GLB1: variants seen among roughly 807,000 people sequenced by gnomAD.
GLB1 encodes beta-galactosidase.
In GLB1, 56 loss-of-function variants were observed where a neutral mutation model predicts 74.0. That is an observed-to-expected ratio of 0.76 (90% CI 0.61 to 0.94). GLB1 has a LOEUF of 0.94. Among genes scored for constraint, GLB1 ranks in the 40% least tolerant of loss-of-function variants. The pLI is 0.00. For missense variants in GLB1, 787 were observed against 845.5 expected, an observed-to-expected ratio of 0.93 and a Z score of 0.86; for synonymous variants, 323 against 323.6, an observed-to-expected ratio of 1.00 and a Z score of 0.02.
In GLB1 at chr3:33,093,228, C is replaced by A. The variant is rs374505323; in HGVS notation, c.75+3783G>T. ...CAAGCAGATCCAGTCCTCATCCTCA[C>A]TCCCACTGCCACTGCCACCACCACC... is the stretch of plus-strand genomic sequence containing the variant. On this transcript the variant is annotated intron_variant, in intron 1 of 15. Coordinates refer to ENST00000307363, the MANE Select transcript of GLB1 (RefSeq NM_000404.4). This position sits in a 1 kb window ranked among gnomAD's most constrained non-coding sequence, Gnocchi z 6.0. 1.2e-6 allele frequency: 2 copies of A among 1,614,014 alleles called. No individual in the cohort carries two copies. Among genetic ancestry groups the A allele is most frequent in the Non-Finnish European group, 1.7e-6 (2 of 1,179,994 alleles).
At chr3:33,086,743 A>G (rs1371679062) in intron 1 of GLB1, among the ~76,000 whole-genome samples, 2 of 152,202 alleles carry the variant, frequency 1.3e-5, no homozygotes, top group African/African-American at 4.8e-5. Context: ...ATTTTAAGAC[A>G]TATGACCCAG....
chr3:33,013,878 C>T (rs377141637), intron 15 of GLB1, among the ~76,000 whole-genome samples, 178 bp downstream of exon 15: 69 of 152,244 alleles, frequency 4.5e-4, no homozygotes, highest in African/African-American at 1.3e-3. Context: ...GCAGCACCTC[C>T]GAGCTGGCCA....
At chr3:33,013,089 C>T (rs1390198609) in intron 15 of GLB1, among the ~76,000 whole-genome samples, 1 of 152,232 alleles carries the variant, frequency 6.6e-6, no homozygotes, top group Non-Finnish European at 1.5e-5. Flanking sequence ...CCAATCTAGT[C>T]TCTACCTACT....
chr3:33,021,652 T>A lies in GLB1; in HGVS notation c.1147A>T (p.Lys383Ter), dbSNP rs1559385963. ...ATGTCCAGAGCTGCTCCCACTGTCT[T>A]TAACTGAAAAGAAACAAAAGCAGCA... ...AYGKVTLEKL[K>*]TVGAALDILC... The change falls in exon 12 of 16, where the codon AAG (lysine) becomes TAG (stop). Residue 383 changes from lysine (K) to a stop codon, truncating the protein, a stop_gained. Transcript: ENST00000307363. LOFTEE classifies it high-confidence loss of function. The A allele has an allele frequency of 6.2e-7, 1 of 1,613,676 alleles. No homozygotes were observed. The highest frequency in any genetic ancestry group is 2.2e-5 in the East Asian group (1 of 44,884).
intron 5 of GLB1, among the ~76,000 whole-genome samples, chr3:33,064,463 T>C (rs1365521019): frequency 7.8e-6 from 1 of 127,874 alleles, no homozygotes; most frequent in Non-Finnish European, 1.6e-5. Flanking sequence ...CAAAAAACCT[T>C]TACTCTTTTC....
intron 1 of GLB1, among the ~76,000 whole-genome samples, chr3:33,080,882 A>C (rs1265661872): frequency 6.6e-6 from 1 of 152,194 alleles, no homozygotes; most frequent in Non-Finnish European, 1.5e-5. Flanking sequence ...GTGAGTCTGC[A>C]CCTTGTTGTC....
At chr3:32,977,103 A>C in the GLB1 span, among the ~76,000 whole-genome samples, 1 of 152,186 alleles carries the variant, frequency 6.6e-6, no homozygotes, top group Non-Finnish European at 1.5e-5. Context: ...GAATGGATTC[A>C]GTGGAGGCAG....
chr3:32,969,006 C>T, the GLB1 span, among the ~76,000 whole-genome samples: 1 of 152,234 alleles, frequency 6.6e-6, no homozygotes, highest in Non-Finnish European at 1.5e-5. Context: ...AGCTCCTCAT[C>T]AAGTCAGTCC....
At chr3:33,068,359 C>T in intron 3 of GLB1, 69 bp from the exon 4 acceptor site, 2 of 1,593,230 alleles carry the variant, frequency 1.3e-6, no homozygotes, top group Non-Finnish European at 1.7e-6. Context: ...ATAGAAATTA[C>T]TATTAGTAGT....
At chr3:33,001,185 C>T (rs756149833) in intron 15 of GLB1, among the ~76,000 whole-genome samples, 5 of 151,646 alleles carry the variant, frequency 3.3e-5, no homozygotes, top group Non-Finnish European at 7.4e-5. Flanking sequence ...TTCTCCTTCT[C>T]CTTCTTCTCT....
intron 9 of GLB1, 31 bp from the exon 10 acceptor site, chr3:33,046,263 A>G: frequency 6.2e-7 from 1 of 1,612,270 alleles, no homozygotes; most frequent in East Asian, 2.2e-5. Flanking sequence ...ACTAGTTATT[A>G]CTGATGGTGC....
intron 3 of GLB1, 138 bp downstream of exon 3, chr3:33,068,682 G>C: frequency 6.6e-7 from 1 of 1,523,764 alleles, no homozygotes; most frequent in Non-Finnish European, 8.9e-7. Context: ...ACCTTGTCAA[G>C]GTAAAAGACA....
chr3:33,018,576 AT>A lies in GLB1; in HGVS notation c.1234-16del. 1 of 1,613,858 alleles carries A rather than the reference AT, an allele frequency of 6.2e-7. No homozygotes were observed. The highest frequency in any genetic ancestry group is 1.7e-5 in the Admixed American group (1 of 60,016). On this transcript the variant is annotated splice_polypyrimidine_tract_variant and intron_variant, in intron 12 of 15. Coordinates refer to ENST00000307363, the MANE Select transcript of GLB1 (RefSeq NM_000404.4). Reference sequence around the variant, plus strand: ...AACCCATAATGCTGGTTAGAAAAGGATTTAAGAAAAATACATCACTATTGCC... The same window carrying A: ...AACCCATAATGCTGGTTAGAAAAGGATTAAGAAAAATACATCACTATTGCC...
At chr3:33,088,487 C>T (rs1188441275) in intron 1 of GLB1, among the ~76,000 whole-genome samples, 2 of 151,810 alleles carry the variant, frequency 1.3e-5, no homozygotes, top group Admixed American at 6.6e-5. Flanking sequence ...AGTTGCTTCT[C>T]TATACACTAA....
chr3:33,097,025 T>C lies in GLB1; in HGVS notation c.61A>G (p.Thr21Ala), dbSNP rs201903758. ...LLLVLLLLGP[T>A]RGLRNATQRM... ...CGCAGACTTACGCGCAAGCCGCGCG[T>C]AGGGCCCAGAAGCAGCAGAACCAGC... is the stretch of plus-strand genomic sequence containing the variant. Residue 21 changes from threonine to alanine, a missense_variant, in exon 1 of 16, where the codon ACG becomes GCG. Physicochemically the swap from Thr to Ala is moderately conservative, Grantham distance 58 (BLOSUM62 0). Coordinates refer to ENST00000307363, the MANE Select transcript of GLB1 (RefSeq NM_000404.4). 6.0e-5 allele frequency: 96 copies of C among 1,612,120 alleles called. No individual in the cohort carries two copies. The highest frequency in any genetic ancestry group is 3.3e-4 in the Admixed American group (20 of 59,826).
chr3:33,063,716 C>T (rs1185328405), intron 5 of GLB1, among the ~76,000 whole-genome samples: 1 of 152,190 alleles, frequency 6.6e-6, no homozygotes, highest in Non-Finnish European at 1.5e-5. Flanking sequence ...AGGAAGAAGA[C>T]ACAGCCATGC....
At chr3:33,001,010 T>A (rs1361633931) in intron 15 of GLB1, among the ~76,000 whole-genome samples, 1 of 152,202 alleles carries the variant, frequency 6.6e-6, no homozygotes, top group Admixed American at 6.5e-5. Flanking sequence ...CACACATTCC[T>A]GTTTCAAACC....
In GLB1 at chr3:33,051,235, A is replaced by T. The variant is rs112127783; in HGVS notation, c.955+523T>A. On this transcript the variant is annotated intron_variant, in intron 9 of 15. Transcript: ENST00000307363. ...GGCGACAGAGCGAGACTGCGTCTCA[A>T]AAAAAAAAAAAAAAAAAAAAAGTAA... is the stretch of plus-strand genomic sequence containing the variant. Among the ~76,000 whole-genome samples the T allele has an allele frequency of 8.7e-5, 10 of 115,296 alleles. No individual in the cohort carries two copies. In the South Asian group the frequency reaches 9.1e-4, roughly 10 times the overall value. 75.6% of individuals were successfully genotyped at this position (115,296 alleles called of 152,430 possible).
intron 10 of GLB1, among the ~76,000 whole-genome samples, chr3:33,042,610 G>A (rs4269037): frequency 0.67 from 101,933 of 151,620 alleles, 35,283 homozygotes; most frequent in Middle Eastern, 0.81. Flanking sequence ...CTCGTGATCC[G>A]CCCGCCTCGG....
Sources: gnomAD v4.1 joint callset for allele counts (sites outside exome capture counted in the v4.1 genomes callset) on GRCh38, gnomAD v4.1.1 for gene constraint, Gnocchi (gnomAD v3.1) non-coding constraint, MANE v1.5 for transcripts, NCBI Gene and HGNC (gene_info 2026-07-23, HGNC 2026-07-21) for gene names.